Variants in KCNQ1 observed in about 807,000 individuals in gnomAD.
The protein encoded by KCNQ1 is potassium voltage-gated channel subfamily KQT member 1.
In KCNQ1, 49 loss-of-function variants were observed where a neutral mutation model predicts 72.4. That is an observed-to-expected ratio of 0.68 (90% CI 0.54 to 0.86). KCNQ1 has a LOEUF of 0.86. Ranked by LOEUF, KCNQ1 falls within the 40% of genes least tolerant of loss-of-function variation. The pLI is 0.00. For synonymous variants in KCNQ1, 450 were observed against 412.6 expected (o/e 1.09, Z -1.10); for missense variants, 790 against 945.1 (o/e 0.84, Z 2.15).
chr11:2,655,174 G>A (rs1278067532), intron 10 of KCNQ1: 1 of 398,466 alleles, frequency 2.5e-6, no homozygotes, highest in African/African-American at 2.1e-5. Flanking sequence ...CTGTTCTCTT[G>A]AGAGGGTGAG....
Position 2,649,226 on chromosome 11 carries a change from T to C in KCNQ1, c.1394-12735T>C, listed in dbSNP as rs1849719547. The C allele has an allele frequency of 7.8e-5, 31 of 398,416 alleles. No individual in the cohort carries two copies. The East Asian group carries it at 1.1e-3, about 14-fold the overall frequency. The allele number at this position is 398,416 out of a possible 1,614,324, so 24.7% of individuals were successfully genotyped here. On this transcript the variant is annotated intron_variant, in intron 10 of 15. Coordinates refer to ENST00000155840, the MANE Select transcript of KCNQ1 (RefSeq NM_000218.3). ...TACCTACATTCAAGATTGTTATCAA[T>C]AGGTGAGGACTTACTCCTGTCATTT...
In KCNQ1 at chr11:2,659,218, T is replaced by C. The variant is rs1166052799; in HGVS notation, c.1394-2743T>C. On this transcript the variant is annotated intron_variant, in intron 10 of 15. Transcript: ENST00000155840. This position sits in a 1 kb window ranked among gnomAD's most constrained non-coding sequence, Gnocchi z 4.3. The stretch of plus-strand genomic sequence containing the variant: ...ACAATCCAGTATCATTCACAGAAGT[T>C]CCATACCCCTAAAAATACCCTGGGG... The C allele has an allele frequency of 5.0e-6, 2 of 398,504 alleles. No homozygotes were observed. Among genetic ancestry groups the C allele is most frequent in the Middle Eastern group, 6.2e-4 (1 of 1,610 alleles). 24.7% of individuals were successfully genotyped at this position (398,504 alleles called of 1,614,324 possible).
chr11:2,588,649 G>T lies in KCNQ1; in HGVS notation c.1252-64G>T. ...CGGGGCGGCTGCACAGGCACTCTGG[G>T]GCCGGCGTAGGGCCTGGCAGACGAT... On this transcript the variant is annotated intron_variant, in intron 9 of 15. Coordinates refer to ENST00000155840, the MANE Select transcript of KCNQ1 (RefSeq NM_000218.3). This position sits in a 1 kb window ranked among gnomAD's most constrained non-coding sequence, Gnocchi z 5.6. 1 of 1,602,034 alleles carries T rather than the reference G, an allele frequency of 6.2e-7. No individual in the cohort carries two copies. Among genetic ancestry groups the T allele is most frequent in the South Asian group, 1.1e-5 (1 of 90,586 alleles).
intron 10 of KCNQ1, among the ~76,000 whole-genome samples, chr11:2,596,542 A>G (rs1047160160): frequency 6.6e-6 from 1 of 152,174 alleles, no homozygotes; most frequent in African/African-American, 2.4e-5. Flanking sequence ...ATATGCCTAC[A>G]ATATGGATAC....
In KCNQ1 at chr11:2,635,178, T is replaced by G. The variant is rs556173788; in HGVS notation, c.1394-26783T>G. 4.6e-4 allele frequency: 70 copies of G among 152,316 alleles called. 2 individuals carry two copies. In the East Asian group the frequency reaches 0.012, roughly 27 times the overall value. 9.4% of individuals were successfully genotyped at this position (152,316 alleles called of 1,614,324 possible). On this transcript the variant is annotated intron_variant, in intron 10 of 15. Transcript: ENST00000155840. ...TTTCTTTTGCTGTGCAGAAGCTCTT[T>G]AGTTTAATTAGATCCCATTTGTCAA...
intron 1 of KCNQ1, among the ~76,000 whole-genome samples, chr11:2,472,696 C>G (rs1307120854): frequency 1.3e-5 from 2 of 152,010 alleles, no homozygotes; most frequent in Non-Finnish European, 2.9e-5. Flanking sequence ...GACTTGAGCT[C>G]CCTGCCTGCT....
chr11:2,561,719 A>G (rs1848169842), intron 2 of KCNQ1, among the ~76,000 whole-genome samples: 1 of 152,188 alleles, frequency 6.6e-6, no homozygotes, highest in South Asian at 2.1e-4. Context: ...AGGGGCTCTC[A>G]GGGGGCCTGG....
rs1157191767 is a variant in KCNQ1, at chr11:2,541,742, A to G, written c.477+13724A>G. Among the ~76,000 whole-genome samples the G allele has an allele frequency of 6.7e-6, 1 of 148,346 alleles. No individual in the cohort carries two copies. Among genetic ancestry groups the G allele is most frequent in the Non-Finnish European group, 1.5e-5 (1 of 67,340 alleles). ...TTTAAATGAGGACATCTGTTAGACC[A>G]CTTAGGAGTTCTAGAACCTTTGGAA... On this transcript the variant is annotated intron_variant, in intron 2 of 15. Coordinates refer to ENST00000155840, the MANE Select transcript of KCNQ1 (RefSeq NM_000218.3). This position sits in a 1 kb window ranked among gnomAD's most constrained non-coding sequence, Gnocchi z 4.8.
At position 2,673,263 on chromosome 11, in the gene KCNQ1, C is replaced by A. The variant is rs1433011343; in HGVS notation, c.1514+11182C>A. 1.8e-5 allele frequency: 7 copies of A among 398,570 alleles called. No homozygotes were observed. The East Asian group carries it at 2.1e-4, about 12-fold the overall frequency. The allele number at this position is 398,570 out of a possible 1,614,324, so 24.7% of individuals were successfully genotyped here. On this transcript the variant is annotated intron_variant, in intron 11 of 15. Transcript: ENST00000155840. The surrounding 1 kb of genome is among the most constrained non-coding windows in gnomAD (Gnocchi z 4.5). ...GGACTGGGTGATGCAGACTGCAAAG[C>A]CTCAGCCACCTTCTCCCCTAGAAGA... is the stretch of plus-strand genomic sequence containing the variant.
chr11:2,746,079 G>A lies in KCNQ1; in HGVS notation c.1515-22765G>A, dbSNP rs1198100400. The stretch of plus-strand genomic sequence containing the variant: ...TAATTTTTGTATTTTTGGTAGAGGT[G>A]GGGTTTCACCATGCTGGCCAGGCTG... On this transcript the variant is annotated intron_variant, in intron 11 of 15. Coordinates refer to ENST00000155840, the MANE Select transcript of KCNQ1 (RefSeq NM_000218.3). The surrounding 1 kb of genome is among the most constrained non-coding windows in gnomAD (Gnocchi z 5.9). Among the ~76,000 whole-genome samples, 1 of 152,098 alleles carries A rather than the reference G, an allele frequency of 6.6e-6. No homozygotes were observed. Among genetic ancestry groups the A allele is most frequent in the African/African-American group, 2.4e-5 (1 of 41,414 alleles).
intron 2 of KCNQ1, among the ~76,000 whole-genome samples, chr11:2,553,116 T>C (rs1405213401): frequency 6.6e-6 from 1 of 152,160 alleles, no homozygotes; most frequent in Non-Finnish European, 1.5e-5. Context: ...ATGTTACTTA[T>C]TAGTTTGAGA....
rs1849603337 is a variant in KCNQ1, at chr11:2,642,976, CTCT to C, written c.1394-18983_1394-18981del. 1 of 397,586 alleles carries C rather than the reference CTCT, an allele frequency of 2.5e-6. No homozygotes were observed. The highest frequency in any genetic ancestry group is 1.3e-4 in the South Asian group (1 of 7,852). The allele number at this position is 397,586 out of a possible 1,614,324, so 24.6% of individuals were successfully genotyped here. ...TTTATTTATACAGTTTTGAATGCTC[CTCT>C]TATTTATTTATAGTTTTATGCTATT... On this transcript the variant is annotated intron_variant, in intron 10 of 15. Transcript: ENST00000155840. This position sits in a 1 kb window ranked among gnomAD's most constrained non-coding sequence, Gnocchi z 4.3.
chr11:2,777,112 A>G, intron 14 of KCNQ1, 80 bp downstream of exon 14: 5 of 1,405,834 alleles, frequency 3.6e-6, no homozygotes, highest in East Asian at 2.3e-5. Context: ...GGCTCTCCCC[A>G]TGATGTCAGA....
chr11:2,690,898 T>G lies in KCNQ1; in HGVS notation c.1514+28817T>G, dbSNP rs1195829125. ...TGTAAGCCACTGTTTCCGTCTGGGT[T>G]TTGTCATGTGTAGGTCCCAGCGGCT... On this transcript the variant is annotated intron_variant, in intron 11 of 15. Transcript: ENST00000155840. This position sits in a 1 kb window ranked among gnomAD's most constrained non-coding sequence, Gnocchi z 5.1. The G allele has an allele frequency of 2.5e-6, 1 of 398,438 alleles. No individual in the cohort carries two copies. Among genetic ancestry groups the G allele is most frequent in the East Asian group, 3.6e-5 (1 of 28,084 alleles). The allele number at this position is 398,438 out of a possible 1,614,324, so 24.7% of individuals were successfully genotyped here. A position where few individuals can be genotyped will look rare whatever the true frequency, so the allele number is the denominator to read the frequency against.
At position 2,660,389 on chromosome 11, in the gene KCNQ1, T is replaced by A. The variant is rs1047841136; in HGVS notation, c.1394-1572T>A. Reference sequence around the variant, plus strand: ...TTACGCTGATGTGGGAAAACCTTCCTTTTTTATAAAGCAAAAGATGTATCA... The same window carrying A: ...TTACGCTGATGTGGGAAAACCTTCCATTTTTATAAAGCAAAAGATGTATCA... On this transcript the variant is annotated intron_variant, in intron 10 of 15. Coordinates refer to ENST00000155840, the MANE Select transcript of KCNQ1 (RefSeq NM_000218.3). The A allele has an allele frequency of 3.3e-3, 1,299 of 398,574 alleles. 2 individuals carry two copies. Among genetic ancestry groups the A allele is most frequent in the Non-Finnish European group, 4.9e-3 (1,105 of 226,040 alleles). The allele number at this position is 398,574 out of a possible 1,614,324, so 24.7% of individuals were successfully genotyped here. A position where few individuals can be genotyped will look rare whatever the true frequency, so the allele number is the denominator to read the frequency against.
At chr11:2,586,579 G>T (rs144671909) in intron 8 of KCNQ1, among the ~76,000 whole-genome samples, 134 of 152,298 alleles carry the variant, frequency 8.8e-4, no homozygotes, top group African/African-American at 3.2e-3. Context: ...CCAGGTGGCA[G>T]GTGTGCACAG....
chr11:2,519,774 C>T (rs1245839176), intron 1 of KCNQ1, among the ~76,000 whole-genome samples: 5 of 50,930 alleles, frequency 9.8e-5, no homozygotes, highest in Non-Finnish European at 2.2e-4. Flanking sequence ...CAGGTGTTGG[C>T]CCCCCCCCAC....
rs999302015 is a variant in KCNQ1 at position 2,624,432 on chromosome 11, T to G, written c.1393+35578T>G. ...ACTTTTATTTTTAACAAAGTCTAGC[T>G]TATCAATTATTTCTTTCATGAATCA... On this transcript the variant is annotated intron_variant, in intron 10 of 15. Coordinates refer to ENST00000155840, the MANE Select transcript of KCNQ1 (RefSeq NM_000218.3). This position sits in a 1 kb window ranked among gnomAD's most constrained non-coding sequence, Gnocchi z 4.9. 6 of 398,412 alleles carry G rather than the reference T, an allele frequency of 1.5e-5. No individual in the cohort carries two copies. The highest frequency in any genetic ancestry group is 1.2e-4 in the African/African-American group (6 of 48,640). The allele number at this position is 398,412 out of a possible 1,614,324, so 24.7% of individuals were successfully genotyped here.
intron 15 of KCNQ1, among the ~76,000 whole-genome samples, chr11:2,844,920 T>C (rs1848290695): frequency 6.6e-6 from 1 of 152,242 alleles, no homozygotes; most frequent in Non-Finnish European, 1.5e-5. Context: ...CGTTCCACAC[T>C]ACCAGTATGC....
Sources: gnomAD v4.1 joint callset for allele counts (sites outside exome capture counted in the v4.1 genomes callset) on GRCh38, gnomAD v4.1.1 for gene constraint, Gnocchi (gnomAD v3.1) non-coding constraint, MANE v1.5 for transcripts, NCBI Gene and HGNC (gene_info 2026-07-23, HGNC 2026-07-21) for gene names.